Variants in NAA25 observed in about 807,000 individuals in gnomAD.
The protein encoded by NAA25 is N-alpha-acetyltransferase 25, NatB auxiliary subunit.
NAA25 carries 30 observed loss-of-function variants against 132.5 expected under a neutral mutation model. That is an observed-to-expected ratio of 0.23 (90% CI 0.17 to 0.31). The LOEUF is 0.31. Among genes scored for constraint, NAA25 ranks in the 10% least tolerant of loss-of-function variants. NAA25 has a pLI of 1.00. For synonymous variants in NAA25, 359 were observed against 401.9 expected, an observed-to-expected ratio of 0.89 and a Z score of 1.28; for missense variants, 771 against 1,150.4, an observed-to-expected ratio of 0.67 and a Z score of 4.77.
Position 112,029,400 on chromosome 12 carries a change from G to T in NAA25, c.*131C>A. On this transcript the variant is annotated 3_prime_UTR_variant, in exon 24 of 24. Coordinates refer to ENST00000261745, the MANE Select transcript of NAA25 (RefSeq NM_024953.4). ...ATATTTAACACCTAAAAAAATTCAC[G>T]ATCAAAGTCCTTCATGCATTTTATG... 7.0e-7 allele frequency: 1 copy of T among 1,433,152 alleles called. No homozygotes were observed. Among genetic ancestry groups the T allele is most frequent in the East Asian group, 2.3e-5 (1 of 43,708 alleles). The allele number at this position is 1,433,152 out of a possible 1,614,324, so 88.8% of individuals were successfully genotyped here. A position where few individuals can be genotyped will look rare whatever the true frequency, so the allele number is the denominator to read the frequency against.
At chr12:112,077,764 G>T (rs1323433516) in intron 7 of NAA25, among the ~76,000 whole-genome samples, 1 of 152,016 alleles carries the variant, frequency 6.6e-6, no homozygotes, top group Non-Finnish European at 1.5e-5. Context: ...ATCCTGACTA[G>T]AGGGGCATTA....
chr12:112,060,632 G>A (rs993616545), intron 12 of NAA25, among the ~76,000 whole-genome samples: 3 of 152,134 alleles, frequency 2.0e-5, no homozygotes, highest in African/African-American at 4.8e-5. Flanking sequence ...TTTGAAGGAG[G>A]TTGAGGTGAA....
At chr12:112,069,053 T>C in intron 10 of NAA25, 61 bp from the exon 11 acceptor site, 2 of 960,384 alleles carry the variant, frequency 2.1e-6, no homozygotes, top group Non-Finnish European at 3.2e-6. Context: ...TCTATTTAAG[T>C]GAGAATTAAT....
Position 112,027,389 on chromosome 12 carries a change from T to G in NAA25, c.*2142A>C, listed in dbSNP as rs563360986. ...TCCAAAAGAACAGATTGATAAGAGA[T>G]ATTGGCCATTTCTGCATAATTTCAT... On this transcript the variant is annotated 3_prime_UTR_variant, in exon 24 of 24. Coordinates refer to ENST00000261745, the MANE Select transcript of NAA25 (RefSeq NM_024953.4). 8.5e-5 allele frequency: 13 copies of G among 152,692 alleles called. No homozygotes were observed. The South Asian group carries it at 2.7e-3, about 32-fold the overall frequency. 9.5% of individuals were successfully genotyped at this position (152,692 alleles called of 1,614,324 possible). A position where few individuals can be genotyped will look rare whatever the true frequency, so the allele number is the denominator to read the frequency against.
chr12:112,066,584 C>T (rs1483004918), intron 11 of NAA25, among the ~76,000 whole-genome samples: 2 of 152,196 alleles, frequency 1.3e-5, no homozygotes, highest in Non-Finnish European at 2.9e-5. Context: ...CAAACCTCTC[C>T]TCCACTCAAC....
chr12:112,102,348 G>A (rs979510828), intron 1 of NAA25, among the ~76,000 whole-genome samples: 2 of 151,612 alleles, frequency 1.3e-5, no homozygotes, highest in Non-Finnish European at 2.9e-5. Context: ...ACTGCAGCCT[G>A]GACAACACAG....
rs772144016 is a variant in NAA25, at chr12:112,043,170, G to T, written c.2292C>A (p.Phe764Leu). 1.2e-6 allele frequency: 2 copies of T among 1,613,178 alleles called. No homozygotes were observed. Among genetic ancestry groups the T allele is most frequent in the South Asian group, 1.1e-5 (1 of 91,006 alleles). Reference protein sequence around the residue: ...LGPVPTRMGGFFNSGCSQCQI... With the variant: ...LGPVPTRMGGLFNSGCSQCQI... ...GGCACTGAGAACAGCCAGAATTAAA[G>T]AATCCACCCATTCTGGTAGGTACAG... Residue 764 changes from phenylalanine to leucine, a missense_variant, in exon 19 of 24, where the codon TTC (phenylalanine) becomes TTA (leucine). Coordinates refer to ENST00000261745, the MANE Select transcript of NAA25 (RefSeq NM_024953.4).
chr12:112,078,327 AT>A, intron 6 of NAA25, 61 bp from the exon 7 acceptor site: 7 of 1,247,510 alleles, frequency 5.6e-6, no homozygotes, highest in Non-Finnish European at 8.0e-6. Context: ...AAAGACAGTC[AT>A]TTATAGGTTT....
chr12:112,086,233 C>T (rs1164675320), intron 4 of NAA25, among the ~76,000 whole-genome samples: 2 of 151,376 alleles, frequency 1.3e-5, no homozygotes, highest in African/African-American at 2.4e-5. Context: ...CACTGGCTCA[C>T]ATCTGTAATC....
rs2078434112 is a variant in NAA25, at chr12:112,049,690, C to A, written c.1729-1247G>T. On this transcript the variant is annotated intron_variant, in intron 15 of 23. Transcript: ENST00000261745. This position sits in a 1 kb window ranked among gnomAD's most constrained non-coding sequence, Gnocchi z 4.7. Reference sequence around the variant, plus strand: ...TCCTGCAGGTTTCAAGAAGGACTACCTGAAAAAGCTCGAGTATACCTTCTA... The same window carrying A: ...TCCTGCAGGTTTCAAGAAGGACTACATGAAAAAGCTCGAGTATACCTTCTA... 1.0e-6 allele frequency: 1 copy of A among 964,502 alleles called. No individual in the cohort carries two copies. Among genetic ancestry groups the A allele is most frequent in the Admixed American group, 6.2e-5 (1 of 16,238 alleles). The allele number at this position is 964,502 out of a possible 1,614,324, so 59.7% of individuals were successfully genotyped here.
intron 9 of NAA25, 74 bp from the exon 10 acceptor site, chr12:112,072,138 T>A: frequency 1.8e-6 from 2 of 1,141,096 alleles, no homozygotes; most frequent in Non-Finnish European, 2.4e-6. Context: ...CAAGCCAAAC[T>A]CATTTAAAAA....
intron 13 of NAA25, among the ~76,000 whole-genome samples, chr12:112,057,452 T>G (rs117102609): frequency 6.6e-6 from 1 of 152,196 alleles, no homozygotes; most frequent in African/African-American, 2.4e-5. Flanking sequence ...AATGTTTTCA[T>G]GTTAAAATGA....
At chr12:112,069,819 CA>C (rs550921585) in intron 10 of NAA25, among the ~76,000 whole-genome samples, 29 of 121,726 alleles carry the variant, frequency 2.4e-4, no homozygotes, top group Middle Eastern at 5.3e-3. Context: ...GACTCCATCT[CA>C]AAAAAAAAAA....
intron 2 of NAA25, 94 bp downstream of exon 2, chr12:112,092,957 T>C (rs2079157955): frequency 1.2e-6 from 1 of 839,956 alleles, no homozygotes; most frequent in Admixed American, 2.5e-5. Flanking sequence ...ATTACAGGCT[T>C]GAGCCACCAT....
Position 112,029,223 on chromosome 12 carries a change from C to T in NAA25, c.*308G>A, listed in dbSNP as rs1360483695. 1 of 304,144 alleles carries T rather than the reference C, an allele frequency of 3.3e-6. No homozygotes were observed. Among genetic ancestry groups the T allele is most frequent in the Non-Finnish European group, 6.2e-6 (1 of 162,438 alleles). 18.8% of individuals were successfully genotyped at this position (304,144 alleles called of 1,614,324 possible). On this transcript the variant is annotated 3_prime_UTR_variant, in exon 24 of 24. Coordinates refer to ENST00000261745, the MANE Select transcript of NAA25 (RefSeq NM_024953.4). ...TTCTATTGCTGTTTTTATAGACCCC[C>T]CGCTCCCCTGAAAAGATGTTTCTGG...
chr12:112,049,859 GA>G lies in NAA25; in HGVS notation c.1729-1417del, dbSNP rs532940186. On this transcript the variant is annotated intron_variant, in intron 15 of 23. Coordinates refer to ENST00000261745, the MANE Select transcript of NAA25 (RefSeq NM_024953.4). This position sits in a 1 kb window ranked among gnomAD's most constrained non-coding sequence, Gnocchi z 4.7. ...CTTGTAATAGGAACTTACAGCTGGG[GA>G]AAAAAAAACAGCTGGTTAGGAACAC... Among the ~76,000 whole-genome samples the G allele has an allele frequency of 4.1e-5, 6 of 146,502 alleles. No homozygotes were observed. The highest frequency in any genetic ancestry group is 5.0e-5 in the African/African-American group (2 of 40,002).
At position 112,049,428 on chromosome 12, in the gene NAA25, A is replaced by T; in HGVS notation, c.1729-985T>A. 1.0e-6 allele frequency: 1 copy of T among 983,990 alleles called. No homozygotes were observed. Among genetic ancestry groups the T allele is most frequent in the African/African-American group, 1.7e-5 (1 of 57,338 alleles). The allele number at this position is 983,990 out of a possible 1,614,324, so 61.0% of individuals were successfully genotyped here. ...GTTAATCAGCTCTGCCCCCATCTCC[A>T]TTACGTCTGAATAATTTGCCCAGTA... On this transcript the variant is annotated intron_variant, in intron 15 of 23. Coordinates refer to ENST00000261745, the MANE Select transcript of NAA25 (RefSeq NM_024953.4). This position sits in a 1 kb window ranked among gnomAD's most constrained non-coding sequence, Gnocchi z 4.7.
chr12:112,072,080 T>C lies in NAA25; in HGVS notation c.867-16A>G, dbSNP rs139866997. The C allele has an allele frequency of 5.6e-5, 90 of 1,602,930 alleles. No individual in the cohort carries two copies. In the East Asian group the frequency reaches 1.7e-3, roughly 31 times the overall value. ...TTCTAAAGAGCTGAGGAAAAGCACA[T>C]GAAAAAGGAATTTTATTGCCTCTAT... On this transcript the variant is annotated splice_polypyrimidine_tract_variant and intron_variant, in intron 9 of 23. Transcript: ENST00000261745.
intron 21 of NAA25, 109 bp from the exon 22 acceptor site, chr12:112,039,448 T>C: frequency 1.6e-6 from 1 of 639,226 alleles, no homozygotes; most frequent in Non-Finnish European, 2.7e-6. Context: ...TCTATGTAAA[T>C]CCCTTCAATT....
Sources: gnomAD v4.1 joint callset for allele counts (sites outside exome capture counted in the v4.1 genomes callset) on GRCh38, gnomAD v4.1.1 for gene constraint, Gnocchi (gnomAD v3.1) non-coding constraint, MANE v1.5 for transcripts, NCBI Gene and HGNC (gene_info 2026-07-23, HGNC 2026-07-21) for gene names.